The following FLG variants were observed in gnomAD, a reference collection of about 807,000 sequenced individuals.
FLG encodes filaggrin, also known as epidermal filaggrin.
In FLG, 6 loss-of-function variants were observed where a neutral mutation model predicts 3.8. The ratio of observed to expected loss-of-function variants is 1.60; its 90% CI spans 0.87 to 3.15. The LOEUF (loss-of-function observed/expected upper bound fraction) is 3.15, where lower values mean the gene tolerates loss of function less well. Among genes scored for constraint, FLG ranks in the 30% most tolerant of loss-of-function variants. The pLI, the probability that FLG is intolerant of heterozygous loss-of-function variation, is 0.00. For synonymous variants in FLG, 2,551 were observed against 1,931.6 expected (o/e 1.32, Z -8.41); for missense variants, 7,595 against 5,050.9 (o/e 1.50, Z -15.27).
At position 152,307,214 on chromosome 1, in the gene FLG, T is replaced by C. The variant is rs770183566; in HGVS notation, c.7672A>G (p.Arg2558Gly). ...QVGQGQSEGP[R>G]TSRNWGSSFS... ...CTGGATCCCCAGTTCCTGCTTGTCC[T>C]GGGCCCCTCTGATTGTCCCTGGCCC... Residue 2558 changes from arginine to glycine, a missense_variant, in exon 3 of 3, where the codon AGG becomes GGG. By Grantham distance (125) the Arg-to-Gly change is moderately radical. Transcript: ENST00000368799. 6.2e-7 allele frequency: 1 copy of C among 1,612,824 alleles called. No homozygotes were observed. The highest frequency in any genetic ancestry group is 1.7e-5 in the Admixed American group (1 of 59,940).
chr1:152,304,582 C>A lies in FLG; in HGVS notation c.10304G>T (p.Arg3435Leu). Residue 3435 changes from arginine to leucine, a missense_variant, in exon 3 of 3, where the codon CGT (arginine) becomes CTT (leucine). Transcript: ENST00000368799. ...TCTTCTGCTTGACCCCGGGTGTCCA[C>A]GAATGGTGTCCTGACCCTCTTGGGA... ...SASQEGQDTIRGHPGSSRRGR... is the reference protein window; with the variant it reads ...SASQEGQDTILGHPGSSRRGR... The A allele has an allele frequency of 1.9e-6, 3 of 1,610,302 alleles. No individual in the cohort carries two copies. Among genetic ancestry groups the A allele is most frequent in the Non-Finnish European group, 2.5e-6 (3 of 1,178,476 alleles).
rs769827566 is a variant in FLG, at chr1:152,308,587, G to A, written c.6299C>T (p.Ser2100Phe). 1 of 1,614,110 alleles carries A rather than the reference G, an allele frequency of 6.2e-7. No homozygotes were observed. Among genetic ancestry groups the A allele is most frequent in the African/African-American group, 1.3e-5 (1 of 75,028 alleles). The change falls in exon 3 of 3, where the codon TCT becomes TTT. Residue 2100 changes from serine (S) to phenylalanine (F), a missense_variant. Transcript: ENST00000368799. ...FLYQVSTHEQ[S>F]ESTHGQSAPS... ...CGCAGACTGTCCATGGGTGGACTCA[G>A]ACTGTTCATGAGTGCTCACCTGGTA...
At chr1:152,316,583 A>T (rs937196037) in intron 1 of FLG, among the ~76,000 whole-genome samples, 2 of 152,114 alleles carry the variant, frequency 1.3e-5, no homozygotes, top group East Asian at 1.9e-4. Context: ...GATTGAATTT[A>T]AAAAATTACA....
chr1:152,313,106 G>A lies in FLG; in HGVS notation c.1780C>T (p.Gln594Ter), dbSNP rs753569112. 2 of 1,613,872 alleles carry A rather than the reference G, an allele frequency of 1.2e-6. No individual in the cohort carries two copies. The highest frequency in any genetic ancestry group is 1.1e-5 in the South Asian group (1 of 91,048). Residue 594 changes from glutamine to a stop codon, truncating the protein, a stop_gained, in exon 3 of 3, where the codon CAG becomes TAG. Coordinates refer to ENST00000368799, the MANE Select transcript of FLG (RefSeq NM_002016.2). LOFTEE classifies it low-confidence loss of function (END_TRUNC). ...SGSRHHEASS[Q>*]ADSSRHSQVG... ...TGTGAGTGTCTAGAGCTGTCAGCCT[G>A]AGAGGAAGCTTCATGATGACGTGAC...
In FLG at chr1:152,309,314, G is replaced by A. The variant is rs142869617; in HGVS notation, c.5572C>T (p.Gln1858Ter). Residue 1858 changes from glutamine (Q) to a stop codon, truncating the protein, a stop_gained, in exon 3 of 3, where the codon CAG becomes TAG. Coordinates refer to ENST00000368799, the MANE Select transcript of FLG (RefSeq NM_002016.2). LOFTEE classifies it low-confidence loss of function (END_TRUNC). ...SQERSDVSRG[Q>*]SGSRSVSRQT... Reference sequence around the variant, plus strand: ...CTGCTGACACTTCTGGATCCTGACTGCCCACGGGAGACATCAGACCTTTCC... The same window carrying A: ...CTGCTGACACTTCTGGATCCTGACTACCCACGGGAGACATCAGACCTTTCC... 2 of 1,613,682 alleles carry A rather than the reference G, an allele frequency of 1.2e-6. No individual in the cohort carries two copies. Among genetic ancestry groups the A allele is most frequent in the Non-Finnish European group, 1.7e-6 (2 of 1,179,986 alleles).
chr1:152,321,024 A>G (rs771937631), intron 1 of FLG, among the ~76,000 whole-genome samples: 1 of 151,046 alleles, frequency 6.6e-6, no homozygotes, highest in Non-Finnish European at 1.5e-5. Flanking sequence ...GGAATACATT[A>G]ATTCCATGCC....
At position 152,313,496 on chromosome 1, in the gene FLG, G is replaced by C; in HGVS notation, c.1390C>G (p.Arg464Gly). The C allele has an allele frequency of 6.2e-7, 1 of 1,613,856 alleles. No homozygotes were observed. The highest frequency in any genetic ancestry group is 1.1e-5 in the South Asian group (1 of 91,038). ...ACCTGGTAGAGGGAAGACCCTGAAC[G>C]TCCAGACCGTTCCCCTGACCGGCCA... is the stretch of plus-strand genomic sequence containing the variant. ...TRGRSGERSG[R>G]SGSSLYQVST... Residue 464 changes from arginine (R) to glycine (G), a missense_variant, in exon 3 of 3, where the codon CGT becomes GGT. Arg to Gly is a moderately radical substitution (Grantham distance 125). Coordinates refer to ENST00000368799, the MANE Select transcript of FLG (RefSeq NM_002016.2).
Position 152,312,893 on chromosome 1 carries a change from C to T in FLG, c.1993G>A (p.Glu665Lys), listed in dbSNP as rs150519389. The part of the protein sequence containing the change: ...DGSRHPRSHH[E>K]DRAGHGHSAD... ...GAGTGCCCATGACCAGCTCTGTCTT[C>T]GTGATGGGACCTGGGGTGTCTGGAG... is the stretch of plus-strand genomic sequence containing the variant. Residue 665 changes from glutamate to lysine, a missense_variant, in exon 3 of 3, where the codon GAA (glutamate) becomes AAA (lysine). Coordinates refer to ENST00000368799, the MANE Select transcript of FLG (RefSeq NM_002016.2). 4,922 of 1,613,990 alleles carry T rather than the reference C, an allele frequency of 3.0e-3. 8 individuals carry two copies. The highest frequency in any genetic ancestry group is 3.8e-3 in the Non-Finnish European group (4,481 of 1,180,016).
rs768442879 is a variant in FLG at position 152,304,995 on chromosome 1, A to G, written c.9891T>C (p.Ser3297=). The part of the protein sequence containing the change: ...AASSHEQARS[S]PGERHGSRHQ... Reference sequence around the variant, plus strand: ...GGCGGGATCCGTGTCTCTCTCCTGGACTTGATCTTGCCTGTTCATGGGATG... The same window carrying G: ...GGCGGGATCCGTGTCTCTCTCCTGGGCTTGATCTTGCCTGTTCATGGGATG... Residue 3297 remains serine, a synonymous_variant, in exon 3 of 3, where the codon AGT becomes AGC. Coordinates refer to ENST00000368799, the MANE Select transcript of FLG (RefSeq NM_002016.2). 2.5e-6 allele frequency: 4 copies of G among 1,613,168 alleles called. No individual in the cohort carries two copies. The highest frequency in any genetic ancestry group is 3.4e-6 in the Non-Finnish European group (4 of 1,179,814).
chr1:152,321,999 A>G (rs1652993580), intron 1 of FLG, among the ~76,000 whole-genome samples: 1 of 151,246 alleles, frequency 6.6e-6, no homozygotes, highest in Non-Finnish European at 1.5e-5. Context: ...AACATTTGAA[A>G]ACCAACCAAT....
intron 1 of FLG, among the ~76,000 whole-genome samples, chr1:152,316,374 C>A (rs1044182441): frequency 2.6e-5 from 4 of 151,300 alleles, no homozygotes; most frequent in African/African-American, 7.3e-5. Flanking sequence ...ATTTCTAAAC[C>A]ATTAGAGATG....
Position 152,308,142 on chromosome 1 carries a change from G to A in FLG, c.6744C>T (p.Asp2248=), listed in dbSNP as rs1004791665. Residue 2248 remains aspartate, a synonymous_variant, in exon 3 of 3, where the codon GAC becomes GAT. Coordinates refer to ENST00000368799, the MANE Select transcript of FLG (RefSeq NM_002016.2). ...CAGAATCTTCTGAGTGTCCCTCACT[G>A]TCACTGTCCTGGCTAACACTGGATC... ...PRGSSVSQDS[D]SEGHSEDSER... 3.7e-6 allele frequency: 6 copies of A among 1,614,022 alleles called. No individual in the cohort carries two copies. The highest frequency in any genetic ancestry group is 5.1e-6 in the Non-Finnish European group (6 of 1,180,004).
rs1391121481 is a variant in FLG at position 152,311,146 on chromosome 1, G to A, written c.3740C>T (p.Ser1247Phe). Residue 1247 changes from serine to phenylalanine, a missense_variant, in exon 3 of 3, where the codon TCT becomes TTT. Coordinates refer to ENST00000368799, the MANE Select transcript of FLG (RefSeq NM_002016.2). ...HHEAASWADSSRHSQVGQEQS... is the reference protein window; with the variant it reads ...HHEAASWADSFRHSQVGQEQS... ...TTCCTGTCCCACCTGTGAGTGTCTA[G>A]AGCTGTCAGCCCAAGAGGCAGCTTC... is the stretch of plus-strand genomic sequence containing the variant. The A allele has an allele frequency of 1.2e-6, 2 of 1,613,852 alleles. No individual in the cohort carries two copies. Among genetic ancestry groups the A allele is most frequent in the East Asian group, 4.5e-5 (2 of 44,794 alleles).
rs775777336 is a variant in FLG, at chr1:152,311,619, A to G, written c.3267T>C (p.His1089=). Reference sequence around the variant, plus strand: ...TCTGCTGATGGGGCCCATCCTGTCCATGGCCTGACACTGACTGTGTGTCTG... The same window carrying G: ...TCTGCTGATGGGGCCCATCCTGTCCGTGGCCTGACACTGACTGTGTGTCTG... ...EESDTQSVSG[H]GQDGPHQQSH... is the part of the protein sequence containing the mutation. Residue 1089 remains histidine, a synonymous_variant, in exon 3 of 3, where the codon CAT becomes CAC. Coordinates refer to ENST00000368799, the MANE Select transcript of FLG (RefSeq NM_002016.2). The G allele has an allele frequency of 2.3e-5, 37 of 1,613,816 alleles. No individual in the cohort carries two copies. The highest frequency in any genetic ancestry group is 1.7e-4 in the Admixed American group (10 of 59,984).
rs1651840765 is a variant in FLG, at chr1:152,304,847, A to G, written c.10039T>C (p.Ser3347Pro). The G allele has an allele frequency of 6.2e-7, 1 of 1,613,322 alleles. No homozygotes were observed. Among genetic ancestry groups the G allele is most frequent in the Non-Finnish European group, 8.5e-7 (1 of 1,179,878 alleles). Residue 3347 changes from serine to proline, a missense_variant, in exon 3 of 3, where the codon TCA (serine) becomes CCA (proline). Ser to Pro is a moderately conservative substitution (Grantham distance 74). Coordinates refer to ENST00000368799, the MANE Select transcript of FLG (RefSeq NM_002016.2). ...GSQASDSEGH[S>P]EESDTQSVSG... ...ACTGACTGTGTGTCTGACTCTTCTGAATGTCCCTCACTATCACTGGCCTGA... is the reference window on the plus strand; with the variant it reads ...ACTGACTGTGTGTCTGACTCTTCTGGATGTCCCTCACTATCACTGGCCTGA...
At position 152,309,747 on chromosome 1, in the gene FLG, C is replaced by T. The variant is rs535289157; in HGVS notation, c.5139G>A (p.Gly1713=). 59 of 1,613,726 alleles carry T rather than the reference C, an allele frequency of 3.7e-5. No homozygotes were observed. The highest frequency in any genetic ancestry group is 1.3e-4 in the Admixed American group (8 of 59,986). The stretch of plus-strand genomic sequence containing the variant: ...TGTCACTGGCCTGGCTACCACTGGA[C>T]CCTCGGTTTCCACTGTCTCCGACTA... The part of the protein sequence containing the change: ...SSVVGDSGNR[G]SSGSQASDSE... Residue 1713 remains glycine (G), a synonymous_variant, in exon 3 of 3, where the codon GGG becomes GGA. Transcript: ENST00000368799.
At chr1:152,320,387 A>G (rs907240507) in intron 1 of FLG, among the ~76,000 whole-genome samples, 2 of 151,094 alleles carry the variant, frequency 1.3e-5, no homozygotes, top group East Asian at 3.9e-4. Flanking sequence ...CACACATAAA[A>G]TGTGATTAAA....
chr1:152,304,821 C>A lies in FLG; in HGVS notation c.10065G>T (p.Val3355=). 1.9e-6 allele frequency: 3 copies of A among 1,613,880 alleles called. No homozygotes were observed. Among genetic ancestry groups the A allele is most frequent in the Admixed American group, 3.3e-5 (2 of 59,998 alleles). Residue 3355 remains valine (V), a synonymous_variant, in exon 3 of 3, where the codon GTG becomes GTT. Transcript: ENST00000368799. The part of the protein sequence containing the change: ...GHSEESDTQS[V]SGHGQAGPHQ... ...GGGGCCCAGCCTGTCCATGGCCTGACACTGACTGTGTGTCTGACTCTTCTG... is the reference window on the plus strand; with the variant it reads ...GGGGCCCAGCCTGTCCATGGCCTGAAACTGACTGTGTGTCTGACTCTTCTG...
At position 152,312,850 on chromosome 1, in the gene FLG, T is replaced by A. The variant is rs369325094; in HGVS notation, c.2036A>T (p.Lys679Ile). ...ATTCTGTGTGTGACGAGTGCCTGAT[T>A]TTCTGGAGCTGTCTGCAGAGTGCCC... ...GHGHSADSSR[K>I]SGTRHTQNSS... Residue 679 changes from lysine to isoleucine, a missense_variant, in exon 3 of 3, where the codon AAA (lysine) becomes ATA (isoleucine). Physicochemically the swap from Lys to Ile is moderately radical, Grantham distance 102. Transcript: ENST00000368799. The A allele has an allele frequency of 1.7e-5, 28 of 1,614,044 alleles. No homozygotes were observed. The highest frequency in any genetic ancestry group is 1.4e-4 in the South Asian group (13 of 91,074).
Sources: gnomAD v4.1 joint callset for allele counts (sites outside exome capture counted in the v4.1 genomes callset) on GRCh38, gnomAD v4.1.1 for gene constraint, MANE v1.5 for transcripts, NCBI Gene and HGNC (gene_info 2026-07-23, HGNC 2026-07-21) for gene names.